The following CRLF3 variants were observed in gnomAD, a reference collection of about 807,000 sequenced individuals.
The protein encoded by CRLF3 is cytokine receptor like factor 3.
In CRLF3, 33 loss-of-function variants were observed where a neutral mutation model predicts 55.0. The observed-to-expected ratio is 0.60, with a 90% CI of 0.46 to 0.80. CRLF3 has a LOEUF of 0.80. Among genes scored for constraint, CRLF3 ranks in the 30% least tolerant of loss-of-function variants. The pLI, the probability that CRLF3 is intolerant of heterozygous loss-of-function variation, is 0.00. For missense variants in CRLF3, 494 were observed against 538.4 expected (o/e 0.92, Z 0.82); for synonymous variants, 238 against 196.8 (o/e 1.21, Z -1.75).
chr17:30,822,236 G>T (rs1391308158), intron 1 of CRLF3, among the ~76,000 whole-genome samples: 1 of 151,958 alleles, frequency 6.6e-6, no homozygotes, highest in Non-Finnish European at 1.5e-5. Context: ...AAAATGACTG[G>T]AACCCTAAAA....
chr17:30,787,096 A>G (rs1428242362), intron 6 of CRLF3, among the ~76,000 whole-genome samples: 4 of 152,204 alleles, frequency 2.6e-5, no homozygotes, highest in Non-Finnish European at 5.9e-5. Flanking sequence ...TTGGCCTCCC[A>G]AAGTGCTGGG....
chr17:30,821,205 T>G (rs987813640), intron 1 of CRLF3, among the ~76,000 whole-genome samples: 4 of 151,794 alleles, frequency 2.6e-5, no homozygotes, highest in African/African-American at 4.8e-5. Context: ...CCAGGGGTGA[T>G]GGCACGTGCC....
chr17:30,803,575 A>G lies in CRLF3; in HGVS notation c.337+326T>C, dbSNP rs573593081. 172 of 243,890 alleles carry G rather than the reference A, an allele frequency of 7.1e-4. 3 individuals carry two copies. In the South Asian group the frequency reaches 9.7e-3, roughly 14 times the overall value. 15.1% of individuals were successfully genotyped at this position (243,890 alleles called of 1,614,324 possible). Reference sequence around the variant, plus strand: ...CTCGAATTGTACTCCCATAATTCCCATGTGTTGCAGGAGGGACCCGGTGGG... The same window carrying G: ...CTCGAATTGTACTCCCATAATTCCCGTGTGTTGCAGGAGGGACCCGGTGGG... On this transcript the variant is annotated intron_variant, in intron 2 of 7. Transcript: ENST00000324238.
intron 2 of CRLF3, among the ~76,000 whole-genome samples, chr17:30,802,766 A>C (rs1324011596): frequency 6.6e-6 from 1 of 152,114 alleles, no homozygotes; most frequent in Non-Finnish European, 1.5e-5. Context: ...CTGTTGAAGG[A>C]AGGTGGTATA....
At chr17:30,798,401 T>TA (rs1971956976) in intron 2 of CRLF3, among the ~76,000 whole-genome samples, 1 of 150,582 alleles carries the variant, frequency 6.6e-6, no homozygotes, top group Non-Finnish European at 1.5e-5. Context: ...AAAAGTTACA[T>TA]AGAGGCATAT....
intron 1 of CRLF3, among the ~76,000 whole-genome samples, chr17:30,811,877 G>C (rs1213015390): frequency 1.3e-5 from 2 of 148,898 alleles, no homozygotes; most frequent in African/African-American, 2.5e-5. Context: ...TTGGGAGGCC[G>C]AGGCGGGCGG....
At chr17:30,808,018 A>G (rs1904471012) in intron 1 of CRLF3, among the ~76,000 whole-genome samples, 1 of 152,206 alleles carries the variant, frequency 6.6e-6, no homozygotes, top group African/African-American at 2.4e-5. Flanking sequence ...CACTTGATTC[A>G]GCTCACCATT....
At chr17:30,791,298 C>T (rs966541534) in intron 6 of CRLF3, among the ~76,000 whole-genome samples, 2 of 151,564 alleles carry the variant, frequency 1.3e-5, no homozygotes, top group African/African-American at 4.8e-5. Flanking sequence ...GTCTTGATCT[C>T]CTAACCTTGT....
intron 1 of CRLF3, among the ~76,000 whole-genome samples, chr17:30,807,086 G>C (rs1904428632): frequency 6.6e-6 from 1 of 152,014 alleles, no homozygotes; most frequent in Non-Finnish European, 1.5e-5. Context: ...AACAATTCAG[G>C]TAACATATAA....
At chr17:30,798,379 C>A (rs894598613) in intron 2 of CRLF3, among the ~76,000 whole-genome samples, 1 of 146,136 alleles carries the variant, frequency 6.8e-6, no homozygotes, top group South Asian at 2.3e-4. Flanking sequence ...CTCCGTCCCC[C>A]CCGCCAAAAA....
intron 1 of CRLF3, among the ~76,000 whole-genome samples, chr17:30,804,861 A>G (rs1262562497): frequency 6.6e-6 from 1 of 152,096 alleles, no homozygotes; most frequent in Non-Finnish European, 1.5e-5. Context: ...CTATGCCTCA[A>G]TTTTCTTATT....
At chr17:30,820,466 A>AT (rs1348191370) in intron 1 of CRLF3, among the ~76,000 whole-genome samples, 4 of 151,998 alleles carry the variant, frequency 2.6e-5, no homozygotes, top group African/African-American at 4.8e-5. Context: ...AGGCAAGAGG[A>AT]TTGCTTGAGC....
At chr17:30,811,221 G>A (rs912577012) in intron 1 of CRLF3, among the ~76,000 whole-genome samples, 2 of 151,696 alleles carry the variant, frequency 1.3e-5, no homozygotes, top group African/African-American at 4.8e-5. Context: ...TTGGGAGGCT[G>A]AGGCAGGTGG....
At chr17:30,803,594 C>A in intron 2 of CRLF3, 1 of 279,464 alleles carries the variant, frequency 3.6e-6, no homozygotes, top group Non-Finnish European at 6.9e-6. Flanking sequence ...AGGAGGGACC[C>A]GGTGGGAGAT....
At chr17:30,808,291 T>G (rs1046774792) in intron 1 of CRLF3, among the ~76,000 whole-genome samples, 1 of 144,258 alleles carries the variant, frequency 6.9e-6, no homozygotes, top group Non-Finnish European at 1.5e-5. Flanking sequence ...TTTTTTTTTT[T>G]TTTTTTTTTT....
At chr17:30,784,758 ATT>A (rs72335377) in intron 7 of CRLF3, 23,641 of 181,884 alleles carry the variant, frequency 0.13, 1,223 homozygotes, top group South Asian at 0.23. Context: ...CACCAACACA[ATT>A]TTTTTTTTTT....
Position 30,804,035 on chromosome 17 carries a change from T to C in CRLF3, c.203A>G (p.Lys68Arg). The change falls in exon 2 of 8, where the codon AAG becomes AGG. Residue 68 changes from lysine (K) to arginine (R), a missense_variant. Lys to Arg is a conservative substitution (Grantham distance 26). Transcript: ENST00000324238. The stretch of plus-strand genomic sequence containing the variant: ...GGTCACCAATCGCTCATCCAGGAGC[T>C]TTCCAAGGGTTCCCTTTAAATCATT... Reference protein sequence around the residue: ...HFNDLKGTLGKLLDERLVTLL... With the variant: ...HFNDLKGTLGRLLDERLVTLL... The C allele has an allele frequency of 1.2e-6, 2 of 1,613,806 alleles. No homozygotes were observed. The highest frequency in any genetic ancestry group is 8.5e-7 in the Non-Finnish European group (1 of 1,179,934).
chr17:30,798,786 C>T (rs1971961487), intron 2 of CRLF3, among the ~76,000 whole-genome samples: 1 of 151,956 alleles, frequency 6.6e-6, no homozygotes, highest in South Asian at 2.1e-4. Context: ...TTGCAGTGAG[C>T]CAAGATCGTG....
chr17:30,790,642 A>T (rs1362455987), intron 6 of CRLF3: 1 of 116,564 alleles, frequency 8.6e-6, no homozygotes, highest in East Asian at 2.7e-4. Context: ...TTCCAGACGG[A>T]ATCTTGCACT....
Sources: gnomAD v4.1 joint callset for allele counts (sites outside exome capture counted in the v4.1 genomes callset) on GRCh38, gnomAD v4.1.1 for gene constraint, MANE v1.5 for transcripts, NCBI Gene and HGNC (gene_info 2026-07-23, HGNC 2026-07-21) for gene names.